Variants in PLCG2 observed in about 807,000 individuals in gnomAD.
PLCG2 encodes phospholipase C gamma 2.
PLCG2 carries 69 observed loss-of-function variants against 175.6 expected under a neutral mutation model. That is an observed-to-expected ratio of 0.39 (90% CI 0.32 to 0.48). PLCG2 has a LOEUF of 0.48. PLCG2 is among the 20% of genes least tolerant of loss of function. The pLI, the probability that PLCG2 is intolerant of heterozygous loss-of-function variation, is 0.91. For missense variants in PLCG2, 1,798 were observed against 1,650.9 expected (o/e 1.09, Z -1.54); for synonymous variants, 827 against 624.0 (o/e 1.33, Z -4.85).
chr16:81,792,721 T>A (rs1408632007), intron 2 of PLCG2, among the ~76,000 whole-genome samples: 3 of 151,996 alleles, frequency 2.0e-5, no homozygotes, highest in Non-Finnish European at 4.4e-5. Context: ...TCAGCCCTCA[T>A]GAGAATTTAC....
At chr16:81,775,543 C>A (rs1255644423), upstream of PLCG2, among the ~76,000 whole-genome samples, 1 of 152,130 alleles carries the variant, frequency 6.6e-6, no homozygotes, top group Non-Finnish European at 1.5e-5. Flanking sequence ...TCACAGTCCC[C>A]CTCAGATGTA....
At chr16:81,944,969 T>A (rs1273536614) in intron 30 of PLCG2, among the ~76,000 whole-genome samples, 2 of 152,182 alleles carry the variant, frequency 1.3e-5, no homozygotes, top group African/African-American at 2.4e-5. Context: ...TATATTAAAA[T>A]GCCAGAAAAA....
At chr16:81,940,091 T>G in intron 30 of PLCG2, 32 bp downstream of exon 30, 2 of 1,572,024 alleles carry the variant, frequency 1.3e-6, no homozygotes, top group Non-Finnish European at 1.7e-6. Flanking sequence ...ATGTTCGATT[T>G]GGGCTGGCGT....
intron 31 of PLCG2, among the ~76,000 whole-genome samples, chr16:81,951,262 C>A (rs1911355193): frequency 6.6e-6 from 1 of 152,046 alleles, no homozygotes; most frequent in East Asian, 1.9e-4. Context: ...CTGTGTCCAG[C>A]CCTCAAAAGA....
intron 5 of PLCG2, among the ~76,000 whole-genome samples, chr16:81,868,826 G>C (rs1282048220): frequency 2.0e-5 from 3 of 152,220 alleles, no homozygotes; most frequent in Admixed American, 6.5e-5. Flanking sequence ...GTGGAGACCA[G>C]CCCTTCTCAC....
intron 2 of PLCG2, among the ~76,000 whole-genome samples, chr16:81,847,706 C>G (rs1477911653): frequency 6.6e-6 from 1 of 152,096 alleles, no homozygotes; most frequent in Non-Finnish European, 1.5e-5. Flanking sequence ...CATGGACAAA[C>G]TTTTTTGTTG....
At chr16:81,835,859 G>T (rs577050351) in intron 2 of PLCG2, among the ~76,000 whole-genome samples, 1 of 152,146 alleles carries the variant, frequency 6.6e-6, no homozygotes, top group East Asian at 1.9e-4. Context: ...GGTGTCCCTT[G>T]GCTGGTGGAT....
At position 81,961,205 on chromosome 16, in the gene PLCG2, A is replaced by G. The variant is rs1409708768; in HGVS notation, c.*3207A>G. The G allele has an allele frequency of 4.4e-6, 1 of 227,100 alleles. No homozygotes were observed. The highest frequency in any genetic ancestry group is 8.7e-6 in the Non-Finnish European group (1 of 114,414). 14.1% of individuals were successfully genotyped at this position (227,100 alleles called of 1,614,324 possible). A position where few individuals can be genotyped will look rare whatever the true frequency, so the allele number is the denominator to read the frequency against. ...AGAATTCAGTGATTCTGCTATCATAAAGCTTCCGTTCCCATTGATGTATCT... is the reference window on the plus strand; with the variant it reads ...AGAATTCAGTGATTCTGCTATCATAGAGCTTCCGTTCCCATTGATGTATCT... On this transcript the variant is annotated 3_prime_UTR_variant, in exon 33 of 33. Coordinates refer to ENST00000564138, the MANE Select transcript of PLCG2 (RefSeq NM_002661.5).
chr16:81,956,213 C>T (rs1485999488), intron 31 of PLCG2, among the ~76,000 whole-genome samples: 1 of 152,166 alleles, frequency 6.6e-6, no homozygotes, highest in Non-Finnish European at 1.5e-5. Flanking sequence ...GTTCATCCAC[C>T]TTGCAGCTTG....
chr16:81,833,858 C>T (rs1238581509), intron 2 of PLCG2, among the ~76,000 whole-genome samples: 17 of 152,152 alleles, frequency 1.1e-4, no homozygotes, highest in Admixed American at 1.1e-3. Context: ...TCCTGTGTGT[C>T]TTGCCTAACG....
At chr16:81,928,345 A>G (rs1179397329) in intron 23 of PLCG2, among the ~76,000 whole-genome samples, 3 of 151,930 alleles carry the variant, frequency 2.0e-5, no homozygotes, top group Non-Finnish European at 4.4e-5. Flanking sequence ...GGAAAATGAA[A>G]CTCCGAACCT....
At chr16:81,881,218 G>T (rs1908064690) in intron 8 of PLCG2, among the ~76,000 whole-genome samples, 1 of 152,092 alleles carries the variant, frequency 6.6e-6, no homozygotes, top group Non-Finnish European at 1.5e-5. Flanking sequence ...TTCCCCGAAT[G>T]TGCCTCATGA....
At chr16:81,876,375 T>G (rs3935743) in intron 7 of PLCG2, among the ~76,000 whole-genome samples, 130,178 of 152,124 alleles carry the variant, frequency 0.86, 56,684 homozygotes, top group East Asian at 0.98. Context: ...CCAAATGGTT[T>G]CTACAGCCTA....
intron 1 of PLCG2, among the ~76,000 whole-genome samples, chr16:81,754,973 C>T (rs1415420368): frequency 2.0e-5 from 3 of 152,080 alleles, no homozygotes; most frequent in Admixed American, 2.0e-4. Context: ...GAGGAAGAAC[C>T]AGCTGTGTGT....
intron 2 of PLCG2, among the ~76,000 whole-genome samples, chr16:81,769,449 T>C (rs1441526399): frequency 6.6e-6 from 1 of 152,166 alleles, no homozygotes; most frequent in Non-Finnish European, 1.5e-5. Context: ...TCCCGGCGCA[T>C]CTCAGACTTT....
chr16:81,853,338 A>T (rs1178956562), intron 2 of PLCG2, among the ~76,000 whole-genome samples: 1 of 151,888 alleles, frequency 6.6e-6, no homozygotes, highest in African/African-American at 2.4e-5. Flanking sequence ...CTCAAAAAAA[A>T]AAAACAAAAC....
chr16:81,870,716 G>C (rs1907470170), intron 6 of PLCG2, 136 bp from the exon 7 acceptor site: 1 of 477,590 alleles, frequency 2.1e-6, no homozygotes, highest in African/African-American at 2.0e-5. Context: ...CTGAAACAAT[G>C]TGGTCATAGC....
At chr16:81,818,791 G>C (rs897690475) in intron 2 of PLCG2, among the ~76,000 whole-genome samples, 7 of 151,898 alleles carry the variant, frequency 4.6e-5, no homozygotes, top group African/African-American at 1.7e-4. Context: ...TAAGGGAGGA[G>C]TGTGGAGGGC....
intron 9 of PLCG2, among the ~76,000 whole-genome samples, chr16:81,887,884 T>A (rs1908449381): frequency 6.6e-6 from 1 of 152,194 alleles, no homozygotes; most frequent in Non-Finnish European, 1.5e-5. Context: ...TTTTAAAGGG[T>A]TTCTAGAATG....
Sources: allele counts gnomAD v4.1 joint callset (sites outside exome capture counted in the v4.1 genomes callset), GRCh38; gene constraint gnomAD v4.1.1; transcripts MANE v1.5; gene names NCBI Gene and HGNC (gene_info 2026-07-23, HGNC 2026-07-21).